Variants in ST3GAL1 observed in about 807,000 individuals in gnomAD.
ST3GAL1 encodes ST3 beta-galactoside alpha-2,3-sialyltransferase 1.
A neutral mutation model predicts 34.1 loss-of-function variants in ST3GAL1; 16 were observed. The ratio of observed to expected loss-of-function variants is 0.47; its 90% confidence interval spans 0.32 to 0.71. The LOEUF is 0.71. Ranked by LOEUF, ST3GAL1 falls within the 30% of genes least tolerant of loss-of-function variation. The pLI, the probability that ST3GAL1 is intolerant of heterozygous loss-of-function variation, is 0.04. For synonymous variants in ST3GAL1, 191 were observed against 184.7 expected, an observed-to-expected ratio of 1.03 and a Z score of -0.28; for missense variants, 353 against 447.4, an observed-to-expected ratio of 0.79 and a Z score of 1.90.
chr8:133,560,337 T>C (rs983992765), intron 1 of ST3GAL1, among the ~76,000 whole-genome samples: 3 of 152,090 alleles, frequency 2.0e-5, no homozygotes, highest in Non-Finnish European at 4.4e-5. Context: ...TTGCATTTCG[T>C]GTGTATTATC....
intron 3 of ST3GAL1, among the ~76,000 whole-genome samples, chr8:133,497,211 C>T (rs1816978467): frequency 6.6e-6 from 1 of 152,232 alleles, no homozygotes; most frequent in Non-Finnish European, 1.5e-5. Context: ...TCTGCTATTT[C>T]TGTGGTTTTT....
At chr8:133,523,892 G>A (rs926863198) in intron 2 of ST3GAL1, among the ~76,000 whole-genome samples, 1 of 152,186 alleles carries the variant, frequency 6.6e-6, no homozygotes, top group Non-Finnish European at 1.5e-5. Context: ...TGCCAGTTCA[G>A]AACCATAATC....
At chr8:133,521,869 A>T (rs1232978206) in intron 2 of ST3GAL1, among the ~76,000 whole-genome samples, 1 of 152,258 alleles carries the variant, frequency 6.6e-6, no homozygotes, top group Non-Finnish European at 1.5e-5. Flanking sequence ...GAAAGAAAAC[A>T]GTATGAACTA....
chr8:133,509,916 G>T (rs1485408109), intron 2 of ST3GAL1, among the ~76,000 whole-genome samples: 2 of 152,038 alleles, frequency 1.3e-5, no homozygotes, highest in African/African-American at 4.8e-5. Context: ...AAAATCAGCT[G>T]GGCTTGGTGG....
intron 3 of ST3GAL1, among the ~76,000 whole-genome samples, chr8:133,477,138 A>G (rs1371520427): frequency 2.0e-5 from 3 of 152,150 alleles, no homozygotes; most frequent in Non-Finnish European, 4.4e-5. Context: ...GAGCCTTGGG[A>G]AAGTTATTTG....
intron 2 of ST3GAL1, among the ~76,000 whole-genome samples, chr8:133,527,727 C>A (rs923755129): frequency 7.2e-5 from 11 of 152,174 alleles, no homozygotes; most frequent in Admixed American, 4.6e-4. Flanking sequence ...TGGAGAAGAT[C>A]TGGGGGAAGG....
intron 3 of ST3GAL1, among the ~76,000 whole-genome samples, chr8:133,486,902 T>C (rs561318467): frequency 6.6e-6 from 1 of 152,360 alleles, no homozygotes; most frequent in East Asian, 1.9e-4. Flanking sequence ...ACTTGGCTAA[T>C]TGAACAAATT....
intron 5 of ST3GAL1, among the ~76,000 whole-genome samples, chr8:133,470,627 T>C (rs1240379850): frequency 1.3e-5 from 2 of 152,110 alleles, no homozygotes; most frequent in Admixed American, 6.5e-5. Flanking sequence ...TCAGCTTCCC[T>C]GGAAGCAGAG....
intron 2 of ST3GAL1, among the ~76,000 whole-genome samples, chr8:133,529,396 G>T (rs551326464): frequency 3.9e-5 from 6 of 152,178 alleles, no homozygotes; most frequent in African/African-American, 1.2e-4. Flanking sequence ...GTACAAGGTC[G>T]TAAAACTCAG....
intron 2 of ST3GAL1, among the ~76,000 whole-genome samples, chr8:133,540,966 G>GACATATATATAGACATATATATAA (rs1818486455): frequency 8.4e-6 from 1 of 118,380 alleles, no homozygotes; most frequent in Non-Finnish European, 1.7e-5. Flanking sequence ...CATATATATA[G>GACATATATATAGACATATATATAA]ACATATATAT....
At chr8:133,509,951 C>T (rs756114141) in intron 2 of ST3GAL1, among the ~76,000 whole-genome samples, 5 of 151,290 alleles carry the variant, frequency 3.3e-5, no homozygotes, top group Non-Finnish European at 7.4e-5. Flanking sequence ...CCCAGCTACT[C>T]GGGTGGCTGA....
At chr8:133,565,466 C>A (rs890317595) in intron 1 of ST3GAL1, among the ~76,000 whole-genome samples, 1 of 152,148 alleles carries the variant, frequency 6.6e-6, no homozygotes, top group Non-Finnish European at 1.5e-5. Flanking sequence ...CCCTACCGTG[C>A]CACTTCTTCT....
intron 2 of ST3GAL1, among the ~76,000 whole-genome samples, chr8:133,506,278 T>C (rs577650221): frequency 6.6e-6 from 1 of 151,418 alleles, no homozygotes; most frequent in South Asian, 2.1e-4. Flanking sequence ...ATCTGTAAGA[T>C]GAGAACAACA....
chr8:133,549,122 G>C (rs142950986), intron 1 of ST3GAL1, among the ~76,000 whole-genome samples: 5 of 152,142 alleles, frequency 3.3e-5, no homozygotes, highest in Non-Finnish European at 7.4e-5. Flanking sequence ...AGGCAGTAGC[G>C]GGGCGTGGTG....
chr8:133,504,744 A>G (rs1306737704), intron 2 of ST3GAL1, among the ~76,000 whole-genome samples: 1 of 152,194 alleles, frequency 6.6e-6, no homozygotes, highest in African/African-American at 2.4e-5. Context: ...TGGGCAGGGA[A>G]GGCTTCGGAG....
At chr8:133,526,357 G>A (rs1312237832) in intron 2 of ST3GAL1, among the ~76,000 whole-genome samples, 1 of 152,134 alleles carries the variant, frequency 6.6e-6, no homozygotes, top group African/African-American at 2.4e-5. Context: ...CAAAAACAGG[G>A]GAAGTAGAAA....
At position 133,545,796 on chromosome 8, in the gene ST3GAL1, C is replaced by CATCTCTG. The variant is rs1818657975; in HGVS notation, c.-458_-452dup. The CATCTCTG allele has an allele frequency of 6.6e-6, 1 of 152,224 alleles. No homozygotes were observed. Among genetic ancestry groups the CATCTCTG allele is most frequent in the African/African-American group, 2.4e-5 (1 of 41,458 alleles). The allele number at this position is 152,224 out of a possible 1,614,324, so 9.4% of individuals were successfully genotyped here. A position where few individuals can be genotyped will look rare whatever the true frequency, so the allele number is the denominator to read the frequency against. ...TACCTCCATAGGCTGAGTGACCGTCCATCTCTGGTCCCCAAATGGAATTGT... is the reference window on the plus strand; with the variant it reads ...TACCTCCATAGGCTGAGTGACCGTCCATCTCTGATCTCTGGTCCCCAAATGGAATTGT... On this transcript the variant is annotated 5_prime_UTR_variant, in exon 2 of 10. It adds an upstream start codon to the 5' untranslated region. Coordinates refer to ENST00000522652, the MANE Select transcript of ST3GAL1 (RefSeq NM_173344.3).
chr8:133,565,825 G>A (rs2131117969), intron 1 of ST3GAL1, among the ~76,000 whole-genome samples: 1 of 151,698 alleles, frequency 6.6e-6, no homozygotes, highest in Middle Eastern at 3.4e-3. Flanking sequence ...CCGGCCCGGA[G>A]CAGATGGGCC....
intron 6 of ST3GAL1, among the ~76,000 whole-genome samples, chr8:133,465,460 C>T (rs1458908377): frequency 1.3e-5 from 2 of 152,186 alleles, no homozygotes; most frequent in East Asian, 3.8e-4. Context: ...GGCAGGAGAC[C>T]CAGGACAGAC....
Sources: gnomAD v4.1 joint callset for allele counts (sites outside exome capture counted in the v4.1 genomes callset) on GRCh38, gnomAD v4.1.1 for gene constraint, MANE v1.5 for transcripts, NCBI Gene and HGNC (gene_info 2026-07-23, HGNC 2026-07-21) for gene names.